Variants in CENPP observed in about 807,000 individuals in gnomAD.
CENPP encodes the protein centromere protein P.
Under a neutral mutation model 35.6 loss-of-function variants are expected in CENPP, and 24 were observed. The observed-to-expected ratio is 0.67, with a 90% CI of 0.49 to 0.95. The LOEUF is 0.95. CENPP is among the 40% of genes least tolerant of loss of function. The pLI is 0.00. For missense variants in CENPP, 332 were observed against 345.3 expected, an observed-to-expected ratio of 0.96 and a Z score of 0.31; for synonymous variants, 120 against 125.5, an observed-to-expected ratio of 0.96 and a Z score of 0.29.
At chr9:92,497,224 G>A (rs1008595152) in intron 5 of CENPP, among the ~76,000 whole-genome samples, 7 of 152,104 alleles carry the variant, frequency 4.6e-5, no homozygotes, top group African/African-American at 1.2e-4. Context: ...CTATCAATAC[G>A]GAACTGATTG....
At chr9:92,509,108 G>A (rs1847183589) in intron 5 of CENPP, among the ~76,000 whole-genome samples, 1 of 151,476 alleles carries the variant, frequency 6.6e-6, no homozygotes, top group Admixed American at 6.6e-5. Flanking sequence ...AGCAGAAGAG[G>A]GGCCATTTCC....
intron 5 of CENPP, chr9:92,466,610 G>A (rs770217740): frequency 1.3e-6 from 2 of 1,530,628 alleles, no homozygotes; most frequent in African/African-American, 1.4e-5. Context: ...ATTAGGAAGT[G>A]GATTTGATTT....
chr9:92,471,337 C>T (rs1845506602), intron 5 of CENPP, among the ~76,000 whole-genome samples: 2 of 151,760 alleles, frequency 1.3e-5, no homozygotes, highest in African/African-American at 4.8e-5. Flanking sequence ...GCTGGGATTA[C>T]AGGTGTGTGC....
intron 5 of CENPP, among the ~76,000 whole-genome samples, chr9:92,389,038 G>T (rs150789238): frequency 6.6e-6 from 1 of 152,136 alleles, no homozygotes; most frequent in Non-Finnish European, 1.5e-5. Flanking sequence ...TTTTTTGACA[G>T]AATTTACCTG....
At chr9:92,435,708 T>C (rs1400643955) in intron 5 of CENPP, among the ~76,000 whole-genome samples, 1 of 152,242 alleles carries the variant, frequency 6.6e-6, no homozygotes, top group Non-Finnish European at 1.5e-5. Context: ...CATAATTATC[T>C]GGGGATTCAT....
intron 5 of CENPP, among the ~76,000 whole-genome samples, chr9:92,599,692 C>T (rs1334048495): frequency 6.6e-6 from 1 of 152,186 alleles, no homozygotes; most frequent in Non-Finnish European, 1.5e-5. Flanking sequence ...GCTGGGATTA[C>T]AGGCGTGAGC....
chr9:92,392,344 C>T (rs1218551842), intron 5 of CENPP, among the ~76,000 whole-genome samples: 1 of 152,136 alleles, frequency 6.6e-6, no homozygotes, highest in African/African-American at 2.4e-5. Flanking sequence ...TACTTCCCTG[C>T]CGGGCATGGT....
intron 5 of CENPP, among the ~76,000 whole-genome samples, chr9:92,455,853 C>T (rs1277331622): frequency 2.6e-5 from 4 of 152,092 alleles, no homozygotes; most frequent in South Asian, 4.1e-4. Flanking sequence ...GGGCAGATCA[C>T]GAGGTCAGGA....
chr9:92,527,695 G>A (rs897422682), intron 5 of CENPP, among the ~76,000 whole-genome samples: 1 of 152,040 alleles, frequency 6.6e-6, no homozygotes, highest in Non-Finnish European at 1.5e-5. Flanking sequence ...CCACCCAAAT[G>A]TTTAGGAAAT....
intron 4 of CENPP, among the ~76,000 whole-genome samples, chr9:92,375,700 T>TA (rs1351491230): frequency 1.3e-5 from 2 of 152,136 alleles, no homozygotes; most frequent in Non-Finnish European, 1.5e-5. Flanking sequence ...CTATTTCTTT[T>TA]AAAAAAATTT....
chr9:92,337,788 T>C (rs1840976596), intron 3 of CENPP, among the ~76,000 whole-genome samples, 159 bp downstream of exon 3: 1 of 152,156 alleles, frequency 6.6e-6, no homozygotes, highest in African/African-American at 2.4e-5. Context: ...ATTTTCAAAA[T>C]TTCAGGTATT....
chr9:92,412,380 C>T (rs906553943), intron 5 of CENPP, among the ~76,000 whole-genome samples: 1 of 152,150 alleles, frequency 6.6e-6, no homozygotes, highest in Admixed American at 6.5e-5. Flanking sequence ...AGCCACTGCA[C>T]CCAGCCTAAA....
chr9:92,592,412 T>G (rs569812635), intron 5 of CENPP, among the ~76,000 whole-genome samples: 11 of 152,342 alleles, frequency 7.2e-5, no homozygotes, highest in African/African-American at 2.4e-4. Flanking sequence ...TGTGCTGGCC[T>G]TCTTTTGCTC....
At chr9:92,571,890 C>T (rs182671667) in intron 5 of CENPP, among the ~76,000 whole-genome samples, 60 of 147,688 alleles carry the variant, frequency 4.1e-4, no homozygotes, top group African/African-American at 1.4e-3. Context: ...TTATCAGCAA[C>T]TAGGATTGCA....
chr9:92,463,920 A>T (rs1845207201), intron 5 of CENPP, among the ~76,000 whole-genome samples: 1 of 152,100 alleles, frequency 6.6e-6, no homozygotes, highest in African/African-American at 2.4e-5. Flanking sequence ...GTGAAAGGTC[A>T]CCTCTTGATT....
At chr9:92,460,418 C>T (rs567943276) in intron 5 of CENPP, 2 of 1,041,708 alleles carry the variant, frequency 1.9e-6, no homozygotes, top group South Asian at 2.7e-5. Flanking sequence ...TACCAGGGTC[C>T]CTGTGCACAT....
intron 5 of CENPP, among the ~76,000 whole-genome samples, chr9:92,583,908 G>A (rs139361632): frequency 5.6e-4 from 85 of 152,320 alleles, no homozygotes; most frequent in Non-Finnish European, 9.3e-4. Flanking sequence ...TTGGAAAAGA[G>A]TATTAGCAAT....
At chr9:92,392,014 G>A (rs959663852) in intron 5 of CENPP, among the ~76,000 whole-genome samples, 6 of 151,860 alleles carry the variant, frequency 4.0e-5, no homozygotes, top group African/African-American at 1.2e-4. Context: ...TGCATTTCTC[G>A]GTGTGATTTT....
intron 5 of CENPP, among the ~76,000 whole-genome samples, chr9:92,451,748 T>C (rs1244712244): frequency 6.7e-6 from 1 of 149,514 alleles, no homozygotes; most frequent in Non-Finnish European, 1.5e-5. Flanking sequence ...TGTTCTTCCA[T>C]TTGTTTGTAT....
Sources: allele counts gnomAD v4.1 joint callset (sites outside exome capture counted in the v4.1 genomes callset), GRCh38; gene constraint gnomAD v4.1.1; transcripts MANE v1.5; gene names NCBI Gene and HGNC (gene_info 2026-07-23, HGNC 2026-07-21).